The following LNPK variants were observed in gnomAD, a reference collection of about 807,000 sequenced individuals.
LNPK encodes endoplasmic reticulum junction formation protein lunapark.
Under a neutral mutation model 55.2 loss-of-function variants are expected in LNPK, and 29 were observed. That is an observed-to-expected ratio of 0.53 (90% CI 0.39 to 0.72). LNPK has a LOEUF of 0.72. LNPK is among the 30% of genes least tolerant of loss of function. LNPK has a pLI of 0.00. For synonymous variants in LNPK, 162 were observed against 168.2 expected, an observed-to-expected ratio of 0.96 and a Z score of 0.29; for missense variants, 467 against 494.8, an observed-to-expected ratio of 0.94 and a Z score of 0.53.
rs117637844 is a variant in LNPK, at chr2:175,945,712, T to C, written c.706+1768A>G. On this transcript the variant is annotated intron_variant, in intron 9 of 12. Coordinates refer to ENST00000272748, the MANE Select transcript of LNPK (RefSeq NM_030650.3). ...TTAACTTGCAAGAGTATTTTACTTC[T>C]ACATATTTAAAGTGAACATATCCAC... 1.7e-3 allele frequency among the ~76,000 whole-genome samples: 264 copies of C among 152,314 alleles called. 2 individuals carry two copies. The East Asian group carries it at 0.036, about 21-fold the overall frequency.
In LNPK at chr2:175,926,537, G is replaced by A. The variant is rs1684014285; in HGVS notation, c.*3430C>T. 3 of 152,170 alleles carry A rather than the reference G, an allele frequency of 2.0e-5. No homozygotes were observed. The highest frequency in any genetic ancestry group is 2.0e-4 in the Admixed American group (3 of 15,292). The allele number at this position is 152,170 out of a possible 1,614,324, so 9.4% of individuals were successfully genotyped here. Reference sequence around the variant, plus strand: ...CAGTCTGTGGTATTCTGTTATAGCAGCCCAAACGGACTTAAATACATACTC... The same window carrying A: ...CAGTCTGTGGTATTCTGTTATAGCAACCCAAACGGACTTAAATACATACTC... On this transcript the variant is annotated 3_prime_UTR_variant, in exon 13 of 13. Transcript: ENST00000272748.
intron 12 of LNPK, 128 bp downstream of exon 12, chr2:175,937,216 G>A (rs1290690924): frequency 3.7e-6 from 3 of 818,542 alleles, no homozygotes; most frequent in Non-Finnish European, 5.7e-6. Context: ...TGGTAACAGA[G>A]CCGTAGTTGA....
At chr2:175,959,258 G>A (rs779710842) in intron 8 of LNPK, among the ~76,000 whole-genome samples, 2 of 152,070 alleles carry the variant, frequency 1.3e-5, no homozygotes, top group African/African-American at 4.8e-5. Context: ...CCCAAGACAC[G>A]TAATTGTCAG....
chr2:175,924,281 T>C lies in LNPK; in HGVS notation c.*5686A>G, dbSNP rs1338000198. ...CTCCATGACCATTTCAAAATAGCTA[T>C]TCATAATTCACAAAATGCCTTTATT... On this transcript the variant is annotated 3_prime_UTR_variant, in exon 13 of 13. Transcript: ENST00000272748. 2 of 152,218 alleles carry C rather than the reference T, an allele frequency of 1.3e-5. No individual in the cohort carries two copies. The highest frequency in any genetic ancestry group is 6.5e-5 in the Admixed American group (1 of 15,288). 9.4% of individuals were successfully genotyped at this position (152,218 alleles called of 1,614,324 possible).
chr2:175,976,119 G>T (rs1686902044), intron 5 of LNPK, among the ~76,000 whole-genome samples: 1 of 152,298 alleles, frequency 6.6e-6, no homozygotes, highest in African/African-American at 2.4e-5. Context: ...GAGAGTGAAA[G>T]ATGAGGTTGA....
At chr2:175,962,186 A>G (rs1001612201) in intron 8 of LNPK, among the ~76,000 whole-genome samples, 2 of 152,234 alleles carry the variant, frequency 1.3e-5, no homozygotes, top group African/African-American at 4.8e-5. Flanking sequence ...CTTTCTTCGC[A>G]GAATTGGAAA....
At chr2:175,955,055 G>T (rs1485093269) in intron 8 of LNPK, among the ~76,000 whole-genome samples, 1 of 152,182 alleles carries the variant, frequency 6.6e-6, no homozygotes. Flanking sequence ...AGTGATGATG[G>T]CATTTGAGAT....
intron 8 of LNPK, among the ~76,000 whole-genome samples, chr2:175,963,385 A>G (rs1232542955): frequency 6.6e-6 from 1 of 152,192 alleles, no homozygotes; most frequent in Non-Finnish European, 1.5e-5. Flanking sequence ...ATAAAAAATG[A>G]TGAGTTCATG....
intron 10 of LNPK, among the ~76,000 whole-genome samples, chr2:175,939,276 T>C (rs1684699078): frequency 1.3e-5 from 2 of 152,160 alleles, no homozygotes; most frequent in South Asian, 2.1e-4. Flanking sequence ...AACTATGTTT[T>C]TGCTTTTTAA....
intron 11 of LNPK, chr2:175,937,805 T>C (rs182023809): frequency 4.9e-5 from 11 of 225,810 alleles, no homozygotes; most frequent in Non-Finnish European, 8.6e-6. Flanking sequence ...ATAATATTAA[T>C]GATTTAAATG....
At chr2:175,947,721 A>T in intron 8 of LNPK, 29 bp from the exon 9 acceptor site, 1 of 1,477,140 alleles carries the variant, frequency 6.8e-7, no homozygotes, top group Non-Finnish European at 9.3e-7. Context: ...TACTAGACTT[A>T]ATTTCCAATA....
At chr2:175,996,793 C>T (rs1687954317) in intron 1 of LNPK, among the ~76,000 whole-genome samples, 1 of 152,160 alleles carries the variant, frequency 6.6e-6, no homozygotes, top group African/African-American at 2.4e-5. Context: ...TTCTATGACT[C>T]TCGAATGTTT....
chr2:175,949,988 A>T (rs1380937150), intron 8 of LNPK, among the ~76,000 whole-genome samples: 1 of 152,138 alleles, frequency 6.6e-6, no homozygotes, highest in Non-Finnish European at 1.5e-5. Flanking sequence ...AGTACTCAAC[A>T]AAATAGTCAT....
intron 6 of LNPK, among the ~76,000 whole-genome samples, chr2:175,968,264 A>T (rs1352937406): frequency 6.6e-6 from 1 of 152,346 alleles, no homozygotes; most frequent in Non-Finnish European, 1.5e-5. Flanking sequence ...TCAGGGAACT[A>T]TAACACTTTT....
intron 4 of LNPK, among the ~76,000 whole-genome samples, chr2:175,981,629 A>G (rs1488442096): frequency 6.6e-6 from 1 of 152,242 alleles, no homozygotes; most frequent in Non-Finnish European, 1.5e-5. Context: ...AAAGGAACAC[A>G]AGAACAGAAT....
chr2:175,936,954 A>G (rs1205790019), intron 12 of LNPK, among the ~76,000 whole-genome samples: 3 of 152,196 alleles, frequency 2.0e-5, no homozygotes, highest in Admixed American at 2.0e-4. Context: ...ATACAAACCT[A>G]TTTTATCAAT....
chr2:175,941,790 C>CAAAAAAAAAAAAAA (rs59162981), intron 9 of LNPK, among the ~76,000 whole-genome samples: 24 of 51,922 alleles, frequency 4.6e-4, no homozygotes, highest in Admixed American at 8.0e-4. Context: ...GATTCCATCT[C>CAAAAAAAAAAAAAA]AAAAAAAAAA....
intron 4 of LNPK, among the ~76,000 whole-genome samples, chr2:175,985,836 A>G (rs904496869): frequency 1.1e-4 from 17 of 152,228 alleles, no homozygotes; most frequent in East Asian, 1.9e-4. Flanking sequence ...CGAAAAACTA[A>G]TATTTTCAGA....
intron 5 of LNPK, among the ~76,000 whole-genome samples, chr2:175,972,486 T>G (rs565728260): frequency 6.6e-6 from 1 of 152,260 alleles, no homozygotes; most frequent in South Asian, 2.1e-4. Flanking sequence ...TTTTGAATTT[T>G]CAGATTTGGG....
Sources: gnomAD v4.1 joint callset for allele counts (sites outside exome capture counted in the v4.1 genomes callset) on GRCh38, gnomAD v4.1.1 for gene constraint, MANE v1.5 for transcripts, NCBI Gene and HGNC (gene_info 2026-07-23, HGNC 2026-07-21) for gene names.